The following PGPEP1L variants were observed in gnomAD, a reference collection of about 807,000 sequenced individuals.
PGPEP1L encodes pyroglutamyl-peptidase I like, also known as pyroglutamyl-peptidase 1-like protein.
In PGPEP1L, 7 loss-of-function variants were observed where a neutral mutation model predicts 6.0. That is an observed-to-expected ratio of 1.17 (90% CI 0.66 to 2.19). The LOEUF is 2.19. Among genes scored for constraint, PGPEP1L ranks in the 30% most tolerant of loss-of-function variants. The pLI is 0.00. For missense variants in PGPEP1L, 209 were observed against 192.5 expected (o/e 1.09, Z -0.51); for synonymous variants, 103 against 83.9 (o/e 1.23, Z -1.24).
chr15:99,000,098 C>G (rs533650570), intron 2 of PGPEP1L, among the ~76,000 whole-genome samples: 215 of 152,342 alleles, frequency 1.4e-3, no homozygotes, highest in African/African-American at 5.0e-3. Flanking sequence ...TGCGGGCCAG[C>G]GCGAATTCCG....
intron 2 of PGPEP1L, among the ~76,000 whole-genome samples, chr15:98,992,282 A>G (rs574627612): frequency 9.5e-4 from 144 of 152,366 alleles, no homozygotes; most frequent in African/African-American, 3.0e-3. Flanking sequence ...TGCAAAATTT[A>G]CAAGCATTCC....
At chr15:98,968,904 G>T (rs1015727409) in intron 4 of PGPEP1L, among the ~76,000 whole-genome samples, 3 of 152,206 alleles carry the variant, frequency 2.0e-5, no homozygotes, top group African/African-American at 7.2e-5. Context: ...CTCATGACCG[G>T]CAAGTGGCCA....
rs141156683 is a variant in PGPEP1L at position 98,985,923 on chromosome 15, T to C, written c.-141-14765A>G. Among the ~76,000 whole-genome samples the C allele has an allele frequency of 4.6e-5, 7 of 152,330 alleles. No homozygotes were observed. In the East Asian group the frequency reaches 1.3e-3, roughly 29 times the overall value. ...CTTCCCAGCTACCCTCCCTCCAGGG[T>C]AGTTTCTTTTCAACTTTGCTTGAGC... On this transcript the variant is annotated intron_variant, in intron 2 of 4. Transcript: ENST00000535714.
intron 2 of PGPEP1L, 106 bp downstream of exon 2, chr15:99,005,323 T>C (rs2018035874): frequency 6.6e-6 from 1 of 152,342 alleles, no homozygotes. Flanking sequence ...GCCATTCTTT[T>C]TTTCCCTCAG....
In PGPEP1L at chr15:99,001,740, CAG is replaced by C. The variant is rs1273489184; in HGVS notation, c.-142+3687_-142+3688del. On this transcript the variant is annotated intron_variant, in intron 2 of 4. Transcript: ENST00000535714. ...ATTTTTGCTTGTTTGCTTTTTGAGA[CAG>C]AGTCTCACCCTGTCACGTAGGCTGG... 3.2e-4 allele frequency among the ~76,000 whole-genome samples: 49 copies of C among 152,162 alleles called. No homozygotes were observed. The East Asian group carries it at 5.4e-3, about 17-fold the overall frequency.
chr15:99,004,696 G>A (rs192520986), intron 2 of PGPEP1L, among the ~76,000 whole-genome samples: 4 of 152,272 alleles, frequency 2.6e-5, no homozygotes, highest in Admixed American at 1.3e-4. Flanking sequence ...CTAGCCTAGC[G>A]ACAGAACAAG....
chr15:99,004,642 C>T (rs1555473400), intron 2 of PGPEP1L, among the ~76,000 whole-genome samples: 2 of 152,138 alleles, frequency 1.3e-5, no homozygotes, highest in African/African-American at 4.8e-5. Flanking sequence ...CGCTTGAACC[C>T]AGGAGGCGGA....
chr15:98,987,872 G>A (rs1444703016), intron 2 of PGPEP1L, among the ~76,000 whole-genome samples: 1 of 152,118 alleles, frequency 6.6e-6, no homozygotes, highest in South Asian at 2.1e-4. Flanking sequence ...CCACCTGGGA[G>A]GCACAAGGGG....
chr15:98,969,468 C>G lies in PGPEP1L; in HGVS notation c.166G>C (p.Ala56Pro). ...VCMKAVCKRV[A>P]VEGVDVIFSR... Reference sequence around the variant, plus strand: ...AAGATCACGTCGACACCCTCCACAGCTACGCGCTTGCAGACTGCCTTCATG... The same window carrying G: ...AAGATCACGTCGACACCCTCCACAGGTACGCGCTTGCAGACTGCCTTCATG... The change falls in exon 4 of 5, where the codon GCT (alanine) becomes CCT (proline). Residue 56 changes from alanine to proline, a missense_variant. By Grantham distance (27) the Ala-to-Pro change is conservative. Transcript: ENST00000535714. 2 of 1,614,078 alleles carry G rather than the reference C, an allele frequency of 1.2e-6. No homozygotes were observed. The highest frequency in any genetic ancestry group is 1.7e-6 in the Non-Finnish European group (2 of 1,179,914).
At chr15:99,001,555 A>G (rs2017970321) in intron 2 of PGPEP1L, among the ~76,000 whole-genome samples, 1 of 152,208 alleles carries the variant, frequency 6.6e-6, no homozygotes. Flanking sequence ...AGTAAATGGT[A>G]TAGCATGTGG....
chr15:98,991,186 G>GA lies in PGPEP1L; in HGVS notation c.-142+14242dup, dbSNP rs2017815007. ...CAATGAATCCAGGAGCTGGTTTTTT[G>GA]AAAAGAACAAAATAGATAATATGCT... On this transcript the variant is annotated intron_variant, in intron 2 of 4. Transcript: ENST00000535714. Among the ~76,000 whole-genome samples, 10 of 151,932 alleles carry GA rather than the reference G, an allele frequency of 6.6e-5. No individual in the cohort carries two copies. In the South Asian group the frequency reaches 1.9e-3, roughly 28 times the overall value.
At chr15:98,969,236 C>T (rs934040726) in intron 4 of PGPEP1L, among the ~76,000 whole-genome samples, 189 bp downstream of exon 4, 2 of 152,186 alleles carry the variant, frequency 1.3e-5, no homozygotes, top group Non-Finnish European at 2.9e-5. Context: ...GTCTCACAAA[C>T]GAGACCTCAG....
At chr15:98,985,482 G>A (rs2017734758) in intron 2 of PGPEP1L, among the ~76,000 whole-genome samples, 1 of 152,226 alleles carries the variant, frequency 6.6e-6, no homozygotes, top group South Asian at 2.1e-4. Context: ...AAGTTGCAGT[G>A]AGCCAAGATG....
At chr15:98,968,749 G>A in intron 4 of PGPEP1L, 52 bp from the exon 5 acceptor site, 2 of 1,504,742 alleles carry the variant, frequency 1.3e-6, no homozygotes, top group Middle Eastern at 1.7e-4. Context: ...TCTAACCTCA[G>A]TGAAACATAC....
chr15:98,969,710 A>ACG, intron 3 of PGPEP1L, 59 bp from the exon 4 acceptor site: 1 of 1,553,244 alleles, frequency 6.4e-7, no homozygotes, highest in Non-Finnish European at 8.8e-7. Context: ...CCTGCTCACC[A>ACG]AATGTGCAGA....
chr15:98,993,639 G>C (rs904870456), intron 2 of PGPEP1L, among the ~76,000 whole-genome samples: 4 of 151,284 alleles, frequency 2.6e-5, no homozygotes, highest in Non-Finnish European at 5.9e-5. Flanking sequence ...ATGGACACAG[G>C]GGTGGGGGTG....
chr15:98,997,212 G>C lies in PGPEP1L; in HGVS notation c.-142+8217C>G, dbSNP rs144797971. Among the ~76,000 whole-genome samples, 1,015 of 152,318 alleles carry C rather than the reference G, an allele frequency of 6.7e-3. 12 individuals carry two copies. The highest frequency in any genetic ancestry group is 0.023 in the African/African-American group (969 of 41,560). On this transcript the variant is annotated intron_variant, in intron 2 of 4. Coordinates refer to ENST00000535714, the MANE Select transcript of PGPEP1L (RefSeq NM_001167902.2). The stretch of plus-strand genomic sequence containing the variant: ...CTGGTATGTTGTGTGCAGCAGTGAG[G>C]CTTGGCAGTGGCTCTGGGATGCCCT...
chr15:98,989,235 G>GA (rs1485239625), intron 2 of PGPEP1L, among the ~76,000 whole-genome samples: 3 of 151,990 alleles, frequency 2.0e-5, no homozygotes. Flanking sequence ...TAAGAACCTT[G>GA]AAAAAAGGTT....
chr15:98,986,349 G>A (rs1473093025), intron 2 of PGPEP1L, among the ~76,000 whole-genome samples: 1 of 152,220 alleles, frequency 6.6e-6, no homozygotes, highest in East Asian at 1.9e-4. Context: ...GTGGACTGAA[G>A]ATTGAGTTTA....
Sources: allele counts gnomAD v4.1 joint callset (sites outside exome capture counted in the v4.1 genomes callset), GRCh38; gene constraint gnomAD v4.1.1; transcripts MANE v1.5; gene names NCBI Gene and HGNC (gene_info 2026-07-23, HGNC 2026-07-21).